The following DCN variants were observed in gnomAD, a reference collection of about 807,000 sequenced individuals.
The protein encoded by DCN is decorin.
DCN carries 17 observed loss-of-function variants against 36.5 expected under a neutral mutation model. The ratio of observed to expected loss-of-function variants is 0.47; its 90% CI spans 0.32 to 0.70. The LOEUF is 0.70. Among genes scored for constraint, DCN ranks in the 30% least tolerant of loss-of-function variants. The pLI is 0.04. For synonymous variants in DCN, 163 were observed against 161.4 expected (o/e 1.01, Z -0.07); for missense variants, 389 against 430.1 (o/e 0.90, Z 0.84).
chr12:91,178,432 G>A lies in DCN; in HGVS notation c.121C>T (p.Pro41Ser), dbSNP rs767135015. 5.7e-5 allele frequency: 92 copies of A among 1,613,782 alleles called. No individual in the cohort carries two copies. Among genetic ancestry groups the A allele is most frequent in the Non-Finnish European group, 7.5e-5 (88 of 1,179,992 alleles). The stretch of plus-strand genomic sequence containing the variant: ...GAGGGCTCGAAGTCGCGGTCATCAG[G>A]AACTTCTGGGCCTATCCCAGAAGCC... ...DEASGIGPEV[P>S]DDRDFEPSLG... Residue 41 changes from proline (P) to serine (S), a missense_variant, in exon 2 of 8, where the codon CCT (proline) becomes TCT (serine). Pro to Ser is a moderately conservative substitution (Grantham distance 74). Transcript: ENST00000052754.
At chr12:91,164,067 A>G (rs1207048707) in intron 3 of DCN, among the ~76,000 whole-genome samples, 2 of 152,172 alleles carry the variant, frequency 1.3e-5, no homozygotes, top group East Asian at 3.9e-4. Flanking sequence ...GTTAATAAAT[A>G]TGATGCTTTG....
At chr12:91,159,336 C>T (rs1179907683) in intron 3 of DCN, among the ~76,000 whole-genome samples, 1 of 152,056 alleles carries the variant, frequency 6.6e-6, no homozygotes, top group Non-Finnish European at 1.5e-5. Flanking sequence ...TATTATGTTT[C>T]TTAAGAGTAT....
chr12:91,166,860 C>G (rs1008521155), intron 2 of DCN, among the ~76,000 whole-genome samples: 2 of 152,038 alleles, frequency 1.3e-5, no homozygotes, highest in Admixed American at 6.6e-5. Context: ...AATTATAGTT[C>G]TACAACCTGC....
intron 3 of DCN, among the ~76,000 whole-genome samples, 154 bp downstream of exon 3, chr12:91,164,422 AAGAAAAACAGTGTTTGGGGCAGAATTAAT>A (rs1882387192): frequency 6.8e-6 from 1 of 146,814 alleles, no homozygotes; most frequent in Non-Finnish European, 1.5e-5. Context: ...AAAAAAGAAA[AAGAAAAACAGTGTTTGGGGCAGAATTAAT>A]AAAAAAAAAG....
At chr12:91,157,007 AT>A (rs60125162) in intron 5 of DCN, 67 bp downstream of exon 5, 106,809 of 805,338 alleles carry the variant, frequency 0.13, 63 homozygotes, top group South Asian at 0.18. Flanking sequence ...TTTCCACAAG[AT>A]TTTTTTTTTT....
At chr12:91,166,953 A>C (rs1882610631) in intron 2 of DCN, among the ~76,000 whole-genome samples, 1 of 152,230 alleles carries the variant, frequency 6.6e-6, no homozygotes, top group Non-Finnish European at 1.5e-5. Flanking sequence ...ATTTTTAAAA[A>C]TGAAAATATG....
chr12:91,164,561 C>T (rs766965021), intron 3 of DCN, 44 bp downstream of exon 3: 9 of 1,089,150 alleles, frequency 8.3e-6, no homozygotes, highest in African/African-American at 1.6e-5. Flanking sequence ...TGAAAAATAC[C>T]TTGAGTCTTA....
chr12:91,158,630 A>T lies in DCN; in HGVS notation c.325-121T>A. On this transcript the variant is annotated intron_variant, in intron 3 of 7. Coordinates refer to ENST00000052754, the MANE Select transcript of DCN (RefSeq NM_001920.5). Reference sequence around the variant, plus strand: ...CAGAGAAATCTAAAAAATTGCAAGAAATCAGAAAAAAATTAAGTAAGTATT... The same window carrying T: ...CAGAGAAATCTAAAAAATTGCAAGATATCAGAAAAAAATTAAGTAAGTATT... 5 of 698,134 alleles carry T rather than the reference A, an allele frequency of 7.2e-6. No individual in the cohort carries two copies. In the South Asian group the frequency reaches 7.9e-5, roughly 11 times the overall value. The allele number at this position is 698,134 out of a possible 1,614,324, so 43.2% of individuals were successfully genotyped here.
At position 91,177,791 on chromosome 12, in the gene DCN, C is replaced by CT. The variant is rs1372056004; in HGVS notation, c.211+550dup. ...CAAAATGTCAAAAGTAAAGACAAAA[C>CT]TAAGACTCAGAGATTAAGGGAGTAT... On this transcript the variant is annotated intron_variant, in intron 2 of 7. Coordinates refer to ENST00000052754, the MANE Select transcript of DCN (RefSeq NM_001920.5). 5.9e-6 allele frequency: 4 copies of CT among 677,372 alleles called. No individual in the cohort carries two copies. The African/African-American group carries it at 7.1e-5, about 12-fold the overall frequency. 42.0% of individuals were successfully genotyped at this position (677,372 alleles called of 1,614,324 possible).
At chr12:91,155,140 G>C (rs1345727695) in intron 5 of DCN, among the ~76,000 whole-genome samples, 1 of 152,162 alleles carries the variant, frequency 6.6e-6, no homozygotes, top group East Asian at 1.9e-4. Flanking sequence ...TGCCAACAGA[G>C]TGAAATAGTT....
At chr12:91,162,899 C>T (rs1882250196) in intron 3 of DCN, among the ~76,000 whole-genome samples, 1 of 152,188 alleles carries the variant, frequency 6.6e-6, no homozygotes, top group South Asian at 2.1e-4. Flanking sequence ...ATCCACCTCT[C>T]CATCCACGGT....
At chr12:91,176,935 G>T (rs984304819) in intron 2 of DCN, 5 of 152,170 alleles carry the variant, frequency 3.3e-5, no homozygotes, top group Non-Finnish European at 7.3e-5. Context: ...GTCATCTCTA[G>T]ATGCTTATAA....
At chr12:91,166,063 T>C (rs1882547561) in intron 2 of DCN, among the ~76,000 whole-genome samples, 1 of 152,214 alleles carries the variant, frequency 6.6e-6, no homozygotes, top group African/African-American at 2.4e-5. Flanking sequence ...ATTTCTTCCA[T>C]GAAAGTTACA....
intron 2 of DCN, among the ~76,000 whole-genome samples, chr12:91,173,755 GT>G (rs1175414761): frequency 6.6e-6 from 1 of 152,092 alleles, no homozygotes; most frequent in Non-Finnish European, 1.5e-5. Context: ...ATTTTTCTGG[GT>G]TGATTTCATG....
intron 2 of DCN, chr12:91,176,612 CTAT>C (rs2121317452): frequency 6.6e-6 from 1 of 152,150 alleles, no homozygotes; most frequent in East Asian, 1.9e-4. Context: ...GGTTTATGAG[CTAT>C]TTTTTCATGG....
chr12:91,147,586 T>G (rs571573186), intron 7 of DCN, among the ~76,000 whole-genome samples: 1 of 152,284 alleles, frequency 6.6e-6, no homozygotes, highest in South Asian at 2.1e-4. Context: ...ATATATCAGG[T>G]CTACATGACT....
chr12:91,176,616 T>G (rs1883304729), intron 2 of DCN: 1 of 152,088 alleles, frequency 6.6e-6, no homozygotes, highest in Non-Finnish European at 1.5e-5. Context: ...TATGAGCTAT[T>G]TTTTCATGGA....
chr12:91,148,659 T>C (rs1371758686), intron 7 of DCN, among the ~76,000 whole-genome samples: 2 of 134,010 alleles, frequency 1.5e-5, no homozygotes, highest in African/African-American at 2.9e-5. Flanking sequence ...GAGGTTGCAG[T>C]GAGCCGAGAT....
chr12:91,163,445 G>A (rs1387989367), intron 3 of DCN, among the ~76,000 whole-genome samples: 1 of 152,116 alleles, frequency 6.6e-6, no homozygotes, highest in Non-Finnish European at 1.5e-5. Flanking sequence ...AAATTAAGAG[G>A]TGGAACTACC....
Sources: gnomAD v4.1 joint callset for allele counts (sites outside exome capture counted in the v4.1 genomes callset) on GRCh38, gnomAD v4.1.1 for gene constraint, MANE v1.5 for transcripts, NCBI Gene and HGNC (gene_info 2026-07-23, HGNC 2026-07-21) for gene names.